Variants in TPR observed in about 807,000 individuals in gnomAD.
The protein encoded by TPR is nucleoprotein TPR.
Under a neutral mutation model 316.1 loss-of-function variants are expected in TPR, and 51 were observed. The observed-to-expected ratio is 0.16, with a 90% confidence interval of 0.13 to 0.20. TPR has a LOEUF of 0.20. Ranked by LOEUF, TPR falls within the 10% of genes least tolerant of loss-of-function variation. The pLI is 1.00. For synonymous variants in TPR, 981 were observed against 914.7 expected, an observed-to-expected ratio of 1.07 and a Z score of -1.31; for missense variants, 2,272 against 2,754.8, an observed-to-expected ratio of 0.82 and a Z score of 3.92.
chr1:186,318,003 C>A (rs1163729745), intron 48 of TPR, among the ~76,000 whole-genome samples: 1 of 152,172 alleles, frequency 6.6e-6, no homozygotes, highest in African/African-American at 2.4e-5. Flanking sequence ...AGTAACCAAA[C>A]CACGGGCTCT....
At chr1:186,347,038 A>G (rs752183961) in intron 22 of TPR, among the ~76,000 whole-genome samples, 6 of 152,188 alleles carry the variant, frequency 3.9e-5, no homozygotes, top group Admixed American at 6.5e-5. Flanking sequence ...CAGTAGACAA[A>G]TAACAATCCC....
Position 186,362,886 on chromosome 1 carries a change from C to T in TPR, c.647G>A (p.Gly216Glu). The change falls in exon 6 of 51, where the codon GGG becomes GAG. Residue 216 changes from glycine (G) to glutamate (E), a missense_variant. Physicochemically the swap from Gly to Glu is moderately conservative, Grantham distance 98. Around this residue, in one of 10 missense-constraint regions of TPR, gnomAD observed 549 missense variants for 598.6 expected, o/e 0.92. Coordinates refer to ENST00000367478, the MANE Select transcript of TPR (RefSeq NM_003292.3). ...ACATTTAAGCTCTAGAATCTCATTC[C>T]CTTTTTCTCTTCCAAGAGCCAGAAG... is the stretch of plus-strand genomic sequence containing the variant. ...DELLALGREK[G>E]NEILELKCNL... The T allele has an allele frequency of 1.2e-6, 2 of 1,609,334 alleles. No homozygotes were observed. Among genetic ancestry groups the T allele is most frequent in the Non-Finnish European group, 1.7e-6 (2 of 1,178,198 alleles).
chr1:186,336,059 G>A (rs1207654856), intron 33 of TPR, among the ~76,000 whole-genome samples: 8 of 152,012 alleles, frequency 5.3e-5, no homozygotes, highest in Admixed American at 1.3e-4. Flanking sequence ...GAAGAACTAG[G>A]TTCTTCATAA....
chr1:186,318,923 T>G, intron 46 of TPR, 95 bp from the exon 47 acceptor site: 1 of 1,146,548 alleles, frequency 8.7e-7, no homozygotes, highest in East Asian at 2.4e-5. Flanking sequence ...TTATTGGAGA[T>G]ATACAACTTT....
At chr1:186,365,009 G>A (rs1571637827) in intron 4 of TPR, among the ~76,000 whole-genome samples, 1 of 151,766 alleles carries the variant, frequency 6.6e-6, no homozygotes, top group Admixed American at 6.6e-5. Flanking sequence ...ACAAGAAGAA[G>A]ACCTGGACAA....
intron 21 of TPR, among the ~76,000 whole-genome samples, chr1:186,348,025 T>C (rs1047873720): frequency 6.6e-6 from 1 of 152,160 alleles, no homozygotes; most frequent in African/African-American, 2.4e-5. Flanking sequence ...TTGAACAATA[T>C]GAAATCAGTG....
intron 39 of TPR, among the ~76,000 whole-genome samples, chr1:186,328,272 G>A (rs1347667521): frequency 1.3e-5 from 2 of 152,124 alleles, no homozygotes; most frequent in Non-Finnish European, 1.5e-5. Flanking sequence ...TCGCGTATCA[G>A]TGCTGTGAGA....
intron 18 of TPR, among the ~76,000 whole-genome samples, chr1:186,352,694 C>T (rs1652263321): frequency 6.6e-6 from 1 of 152,094 alleles, no homozygotes; most frequent in Non-Finnish European, 1.5e-5. Flanking sequence ...GTGCTGCTGC[C>T]CACTCCTCAC....
intron 4 of TPR, among the ~76,000 whole-genome samples, chr1:186,365,431 A>G (rs560660687): frequency 1.3e-5 from 2 of 152,216 alleles, no homozygotes; most frequent in East Asian, 3.9e-4. Flanking sequence ...GACTTTAGAC[A>G]CTGTCCCTGG....
Position 186,339,689 on chromosome 1 carries a change from A to G in TPR, c.4104T>C (p.Ile1368=). 1 of 1,598,874 alleles carries G rather than the reference A, an allele frequency of 6.3e-7. No homozygotes were observed. The highest frequency in any genetic ancestry group is 1.1e-5 in the South Asian group (1 of 88,408). The change falls in exon 30 of 51, where the codon ATT becomes ATC. Residue 1368 remains isoleucine (I), a synonymous_variant. Transcript: ENST00000367478. ...TACCAATTTCTTCTGTCAATTGTTGAATACGCTTAGTATGAACTTCCTTTT... is the reference window on the plus strand; with the variant it reads ...TACCAATTTCTTCTGTCAATTGTTGGATACGCTTAGTATGAACTTCCTTTT... ...LSEKEVHTKR[I]QQLTEEIGRL...
chr1:186,339,235 GC>G (rs2102070609), intron 30 of TPR, among the ~76,000 whole-genome samples: 1 of 152,004 alleles, frequency 6.6e-6, no homozygotes, highest in East Asian at 1.9e-4. Flanking sequence ...TTTGAGACCA[GC>G]CTGGGCAACA....
Position 186,312,025 on chromosome 1 carries a change from C to T in TPR, c.*1946G>A. On this transcript the variant is annotated 3_prime_UTR_variant, in exon 51 of 51. Transcript: ENST00000367478. ...AGTTTAATAATTATTTTTATAATAC[C>T]CTTGACTAATAGCCATTATTAATAT... is the stretch of plus-strand genomic sequence containing the variant. 2 of 629,042 alleles carry T rather than the reference C, an allele frequency of 3.2e-6. No individual in the cohort carries two copies. Among genetic ancestry groups the T allele is most frequent in the Non-Finnish European group, 5.5e-6 (2 of 366,770 alleles). 39.0% of individuals were successfully genotyped at this position (629,042 alleles called of 1,614,324 possible).
In TPR at chr1:186,337,038, T is replaced by C. The variant is rs1658359368; in HGVS notation, c.4481A>G (p.Glu1494Gly). 6.2e-7 allele frequency: 1 copy of C among 1,613,898 alleles called. No homozygotes were observed. ...CTTCTGCAGATTCTCTACTTGACTT[T>C]CAAGTGATTTTGATTTTGTTTCAGC... is the stretch of plus-strand genomic sequence containing the variant. ...NQAETKSKSL[E>G]SQVENLQKTL... Residue 1494 changes from glutamate to glycine, a missense_variant, in exon 32 of 51, where the codon GAA becomes GGA. This residue lies in a region of TPR where 101 missense variants were observed against 113.0 expected (regional missense o/e 0.89). Coordinates refer to ENST00000367478, the MANE Select transcript of TPR (RefSeq NM_003292.3).
Position 186,373,418 on chromosome 1 carries a change from T to A in TPR, c.197A>T (p.Glu66Val). The change falls in exon 2 of 51, where the codon GAG becomes GTG. Residue 66 changes from glutamate (E) to valine (V), a missense_variant. Glu to Val is a moderately radical substitution (Grantham distance 121, BLOSUM62 -2). This residue lies in a region of TPR where 549 missense variants were observed against 598.6 expected (regional missense o/e 0.92). Coordinates refer to ENST00000367478, the MANE Select transcript of TPR (RefSeq NM_003292.3). ...CTCTCGGGTTTCATTCACAAGTCTC[T>A]CCTGACTGTGGGACAACCTCTTTTC... is the stretch of plus-strand genomic sequence containing the variant. Reference protein sequence around the residue: ...EIEKRLSHSQERLVNETRECQ... With the variant: ...EIEKRLSHSQVRLVNETRECQ... 6.2e-7 allele frequency: 1 copy of A among 1,613,610 alleles called. No individual in the cohort carries two copies. The highest frequency in any genetic ancestry group is 1.3e-5 in the African/African-American group (1 of 75,052).
chr1:186,353,876 A>C (rs1473002894), intron 17 of TPR, 26 bp from the exon 18 acceptor site: 1 of 1,603,100 alleles, frequency 6.2e-7, no homozygotes, highest in African/African-American at 1.3e-5. Flanking sequence ...TAATTCTACA[A>C]GTAACTGAAA....
In TPR at chr1:186,361,779, G is replaced by A. The variant is rs780490731; in HGVS notation, c.870+10C>T. On this transcript the variant is annotated intron_variant, in intron 8 of 50. Transcript: ENST00000367478. ...CATTTAGATACTAACATGTGTGGTG[G>A]GATATTTACCTTGTACAAATTAGAA... The A allele has an allele frequency of 6.2e-7, 1 of 1,612,938 alleles. No individual in the cohort carries two copies. Among genetic ancestry groups the A allele is most frequent in the Non-Finnish European group, 8.5e-7 (1 of 1,179,196 alleles).
intron 42 of TPR, 146 bp downstream of exon 42, chr1:186,325,618 G>A: frequency 1.7e-6 from 1 of 593,872 alleles, no homozygotes; most frequent in Non-Finnish European, 2.8e-6. Flanking sequence ...GACTTTTTAT[G>A]AGAGCACAAC....
intron 33 of TPR, among the ~76,000 whole-genome samples, chr1:186,335,918 CAAGT>C (rs1456958400): frequency 6.6e-6 from 1 of 151,902 alleles, no homozygotes; most frequent in East Asian, 1.9e-4. Context: ...CTTTTAAAAT[CAAGT>C]AAGTTGTTAG....
intron 20 of TPR, 127 bp from the exon 21 acceptor site, chr1:186,350,515 G>T: frequency 1.5e-6 from 1 of 651,012 alleles, no homozygotes; most frequent in Non-Finnish European, 2.4e-6. Flanking sequence ...CGTCACACCT[G>T]AAACAGCCAA....
Sources: gnomAD v4.1 joint callset for allele counts (sites outside exome capture counted in the v4.1 genomes callset) on GRCh38, gnomAD v4.1.1 for gene constraint, gnomAD v4.1.1 regional missense constraint, MANE v1.5 for transcripts, NCBI Gene and HGNC (gene_info 2026-07-23, HGNC 2026-07-21) for gene names.